Variants in FAM120B observed in about 807,000 individuals in gnomAD.
The protein encoded by FAM120B is constitutive coactivator of peroxisome proliferator-activated receptor gamma.
FAM120B carries 83 observed loss-of-function variants against 96.3 expected under a neutral mutation model. The ratio of observed to expected loss-of-function variants is 0.86; its 90% CI spans 0.72 to 1.03. FAM120B has a LOEUF of 1.03. Among genes scored for constraint, FAM120B ranks in the 50% least tolerant of loss-of-function variants. The pLI, the probability that FAM120B is intolerant of heterozygous loss-of-function variation, is 0.00. For synonymous variants in FAM120B, 407 were observed against 402.7 expected (o/e 1.01, Z -0.13); for missense variants, 1,027 against 1,121.2 (o/e 0.92, Z 1.20).
At chr6:170,319,245 C>G (rs781669331) in intron 2 of FAM120B, 121 bp downstream of exon 2, 56 of 937,288 alleles carry the variant, frequency 6.0e-5, no homozygotes, top group Non-Finnish European at 8.6e-5. Context: ...ACAGGAGTCT[C>G]TAAGTCTCGT....
intron 7 of FAM120B, 150 bp from the exon 8 acceptor site, chr6:170,390,863 T>C (rs1278147928): frequency 3.0e-6 from 2 of 677,292 alleles, no homozygotes; most frequent in Non-Finnish European, 5.5e-6. Context: ...GTGCTGCGGT[T>C]CATGTCTGGG....
At chr6:170,313,020 G>A (rs1422961833) in intron 1 of FAM120B, among the ~76,000 whole-genome samples, 1 of 152,184 alleles carries the variant, frequency 6.6e-6, no homozygotes, top group Non-Finnish European at 1.5e-5. Flanking sequence ...CAAGGCCCTA[G>A]CAAAAGTGTG....
chr6:170,327,716 A>G (rs527595558), intron 3 of FAM120B, among the ~76,000 whole-genome samples: 3 of 150,418 alleles, frequency 2.0e-5, no homozygotes, highest in Non-Finnish European at 4.4e-5. Flanking sequence ...CTTTATACAC[A>G]CTGCACATGC....
chr6:170,365,874 A>C (rs1257755495), intron 6 of FAM120B, among the ~76,000 whole-genome samples: 1 of 152,140 alleles, frequency 6.6e-6, no homozygotes, highest in Admixed American at 6.5e-5. Flanking sequence ...AGTTGGTGCA[A>C]GTGTTTATCC....
intron 5 of FAM120B, among the ~76,000 whole-genome samples, chr6:170,351,953 C>T (rs1787608915): frequency 1.3e-5 from 2 of 152,116 alleles, no homozygotes; most frequent in East Asian, 3.9e-4. Flanking sequence ...TAACCCTAAA[C>T]GTAAATGGGC....
intron 6 of FAM120B, among the ~76,000 whole-genome samples, chr6:170,377,977 A>G (rs1468274909): frequency 2.0e-5 from 3 of 146,492 alleles, no homozygotes; most frequent in Admixed American, 6.8e-5. Flanking sequence ...CAGTTAACTG[A>G]AGAAGTTGAA....
chr6:170,293,859 C>G (rs540285392), upstream of FAM120B, among the ~76,000 whole-genome samples: 103 of 150,990 alleles, frequency 6.8e-4, no homozygotes, highest in Non-Finnish European at 1.4e-3. Context: ...TCTATAGGAG[C>G]CTGTTGTAGT....
At chr6:170,322,989 G>T in intron 2 of FAM120B, 90 bp from the exon 3 acceptor site, 1 of 1,082,000 alleles carries the variant, frequency 9.2e-7, no homozygotes, top group Non-Finnish European at 1.3e-6. Context: ...TTAAAAAACT[G>T]GCATATGATG....
In FAM120B at chr6:170,307,619, G is replaced by A. The variant is rs144034319; in HGVS notation, c.-22+777G>A. Among the ~76,000 whole-genome samples, 369 of 152,304 alleles carry A rather than the reference G, an allele frequency of 2.4e-3. 12 individuals carry two copies. The highest frequency in any genetic ancestry group is 0.022 in the Admixed American group (332 of 15,310). On this transcript the variant is annotated intron_variant, in intron 1 of 10. Transcript: ENST00000476287. ...AGTCTTGACATATTTGGGGAACTAG[G>A]AGTTGAGCATTTGTGAGACAAGAAA... is the stretch of plus-strand genomic sequence containing the variant.
chr6:170,388,656 A>G (rs981516397), intron 7 of FAM120B, among the ~76,000 whole-genome samples, 163 bp downstream of exon 7: 3 of 152,228 alleles, frequency 2.0e-5, no homozygotes, highest in Admixed American at 6.5e-5. Flanking sequence ...TTCTGCATCA[A>G]CATAACTAAT....
At chr6:170,396,930 C>T (rs985175893) in intron 9 of FAM120B, among the ~76,000 whole-genome samples, 4 of 152,250 alleles carry the variant, frequency 2.6e-5, no homozygotes, top group Non-Finnish European at 1.5e-5. Context: ...CTGCCCTAGG[C>T]GACTCTGGCC....
rs1789147284 is a variant in FAM120B, at chr6:170,370,924, AC to A, written c.2283+12610del. On this transcript the variant is annotated intron_variant, in intron 6 of 10. Coordinates refer to ENST00000476287, the MANE Select transcript of FAM120B (RefSeq NM_032448.3). This position sits in a 1 kb window ranked among gnomAD's most constrained non-coding sequence, Gnocchi z 4.3. The stretch of plus-strand genomic sequence containing the variant: ...AGGCGGGAGTCAACACTGAGCCACC[AC>A]CCCACCAAGCAAGAAATGGTGTATA... Among the ~76,000 whole-genome samples the A allele has an allele frequency of 6.6e-6, 1 of 152,080 alleles. No individual in the cohort carries two copies. Among genetic ancestry groups the A allele is most frequent in the Non-Finnish European group, 1.5e-5 (1 of 68,014 alleles).
chr6:170,291,144 C>A (rs946318945), upstream of FAM120B: 10 of 523,190 alleles, frequency 1.9e-5, no homozygotes, highest in Non-Finnish European at 3.3e-5. Context: ...TCCTCCCCTG[C>A]CCCCGCCCCC....
chr6:170,366,280 G>C (rs2115227755), intron 6 of FAM120B, among the ~76,000 whole-genome samples: 1 of 152,324 alleles, frequency 6.6e-6, no homozygotes, highest in South Asian at 2.1e-4. Context: ...TGTGTGGGGA[G>C]CTGAGAGCTG....
At position 170,358,285 on chromosome 6, in the gene FAM120B, A is replaced by G. The variant is rs1241203790; in HGVS notation, c.2250A>G (p.Gln750=). Residue 750 remains glutamine, a synonymous_variant, in exon 6 of 11, where the codon CAA becomes CAG. Transcript: ENST00000476287. ...HAFIAQALCL[Q]GKSTSQLVNL... is the part of the protein sequence containing the mutation. ...TTATTGCGCAGGCCTTGTGCCTCCA[A>G]GGAAAATCCACCTCGCAGCTTGTAA... 4.4e-6 allele frequency: 7 copies of G among 1,606,892 alleles called. No individual in the cohort carries two copies. Among genetic ancestry groups the G allele is most frequent in the African/African-American group, 1.3e-5 (1 of 74,912 alleles).
At chr6:170,395,345 T>G (rs1411166904) in intron 8 of FAM120B, 142 bp from the exon 9 acceptor site, 1 of 677,366 alleles carries the variant, frequency 1.5e-6, no homozygotes, top group South Asian at 1.7e-5. Context: ...ACCCTTAAAT[T>G]TGCGTTTTTT....
intron 4 of FAM120B, among the ~76,000 whole-genome samples, chr6:170,337,911 A>T (rs1352993415): frequency 1.3e-5 from 2 of 151,032 alleles, no homozygotes; most frequent in Non-Finnish European, 1.5e-5. Flanking sequence ...CTGTTTGATT[A>T]TTCTCTGTTT....
intron 4 of FAM120B, among the ~76,000 whole-genome samples, chr6:170,333,923 C>T (rs905136692): frequency 6.6e-6 from 1 of 152,142 alleles, no homozygotes; most frequent in Non-Finnish European, 1.5e-5. Flanking sequence ...AAACCCAGCT[C>T]GTAAAGGTCC....
At chr6:170,385,455 A>G (rs993955302) in intron 6 of FAM120B, among the ~76,000 whole-genome samples, 1 of 152,222 alleles carries the variant, frequency 6.6e-6, no homozygotes, top group Non-Finnish European at 1.5e-5. Flanking sequence ...GTAGGTAGGA[A>G]GGAAATAGTA....
Sources: allele counts gnomAD v4.1 joint callset (sites outside exome capture counted in the v4.1 genomes callset), GRCh38; gene constraint gnomAD v4.1.1; non-coding constraint Gnocchi (gnomAD v3.1); transcripts MANE v1.5; gene names NCBI Gene and HGNC (gene_info 2026-07-23, HGNC 2026-07-21).